ZNF385D: variants seen among roughly 807,000 people sequenced by gnomAD.
ZNF385D encodes the protein zinc finger protein 659.
Under a neutral mutation model 35.8 loss-of-function variants are expected in ZNF385D, and 15 were observed. That is an observed-to-expected ratio of 0.42 (90% CI 0.28 to 0.64). The LOEUF (loss-of-function observed/expected upper bound fraction) is 0.64, where lower values mean the gene tolerates loss of function less well. ZNF385D is among the 30% of genes least tolerant of loss of function. ZNF385D has a pLI of 0.23. For synonymous variants in ZNF385D, 212 were observed against 186.8 expected, an observed-to-expected ratio of 1.13 and a Z score of -1.10; for missense variants, 474 against 494.6, an observed-to-expected ratio of 0.96 and a Z score of 0.39.
chr3:22,151,768 T>A (rs1396514112), intron 3 of ZNF385D, among the ~76,000 whole-genome samples: 1 of 152,120 alleles, frequency 6.6e-6, no homozygotes, highest in Admixed American at 6.6e-5. Flanking sequence ...TGACCAAATA[T>A]CTGGGTGTCA....
chr3:22,114,280 C>G (rs1362774727), intron 3 of ZNF385D, among the ~76,000 whole-genome samples: 1 of 151,956 alleles, frequency 6.6e-6, no homozygotes, highest in Non-Finnish European at 1.5e-5. Context: ...ATAAATGATT[C>G]TTAATTCACA....
intron 3 of ZNF385D, among the ~76,000 whole-genome samples, chr3:22,163,753 C>T (rs1706123427): frequency 6.6e-6 from 1 of 152,058 alleles, no homozygotes; most frequent in Admixed American, 6.6e-5. Flanking sequence ...TCTTGACATA[C>T]CATATTTAAT....
At chr3:22,107,604 A>T (rs1432037690) in intron 3 of ZNF385D, among the ~76,000 whole-genome samples, 2 of 152,140 alleles carry the variant, frequency 1.3e-5, no homozygotes, top group Non-Finnish European at 2.9e-5. Flanking sequence ...TAAAGTATAG[A>T]AACAATATAT....
At chr3:22,059,044 G>A (rs537854271) in intron 3 of ZNF385D, among the ~76,000 whole-genome samples, 2 of 152,190 alleles carry the variant, frequency 1.3e-5, no homozygotes, top group African/African-American at 4.8e-5. Flanking sequence ...AAAGGACATT[G>A]GTAGGACACA....
At chr3:22,015,456 T>A (rs1342411763) in intron 3 of ZNF385D, among the ~76,000 whole-genome samples, 1 of 152,102 alleles carries the variant, frequency 6.6e-6, no homozygotes, top group African/African-American at 2.4e-5. Flanking sequence ...CTTGCCACCA[T>A]CCTTGGGCAG....
intron 2 of ZNF385D, among the ~76,000 whole-genome samples, chr3:22,366,564 A>C (rs1047873183): frequency 5.9e-5 from 9 of 152,110 alleles, no homozygotes; most frequent in African/African-American, 1.9e-4. Flanking sequence ...ACATTTTACT[A>C]ATGTTGGGTC....
chr3:21,931,435 T>C (rs1701002909), intron 3 of ZNF385D, among the ~76,000 whole-genome samples: 1 of 152,160 alleles, frequency 6.6e-6, no homozygotes, highest in South Asian at 2.1e-4. Context: ...AGCAGTTACA[T>C]TCCTAGATAT....
At chr3:21,569,342 T>A (rs1461047155) in intron 2 of ZNF385D, among the ~76,000 whole-genome samples, 1 of 149,410 alleles carries the variant, frequency 6.7e-6, no homozygotes, top group African/African-American at 2.5e-5. Context: ...CTTTTGATCT[T>A]TGTTGGTTTA....
intron 2 of ZNF385D, among the ~76,000 whole-genome samples, chr3:22,363,864 A>C (rs1280300315): frequency 6.6e-6 from 1 of 152,128 alleles, no homozygotes; most frequent in East Asian, 1.9e-4. Context: ...CAACTCAATT[A>C]ATTTTTACAA....
At chr3:21,741,708 G>T (rs1295341530) in intron 1 of ZNF385D, among the ~76,000 whole-genome samples, 1 of 152,010 alleles carries the variant, frequency 6.6e-6, no homozygotes, top group South Asian at 2.1e-4. Context: ...TGGAGGAATA[G>T]ATAAAAATCA....
chr3:21,522,918 C>T (rs1309655185), intron 3 of ZNF385D, among the ~76,000 whole-genome samples: 2 of 152,158 alleles, frequency 1.3e-5, no homozygotes, highest in Admixed American at 1.3e-4. Context: ...TAGGTGCTAA[C>T]AGCACACTAT....
At chr3:21,941,150 G>A (rs995971598) in intron 3 of ZNF385D, among the ~76,000 whole-genome samples, 1 of 152,142 alleles carries the variant, frequency 6.6e-6, no homozygotes, top group African/African-American at 2.4e-5. Context: ...TCTATTGTAT[G>A]GTGGTTAAAA....
intron 1 of ZNF385D, among the ~76,000 whole-genome samples, chr3:21,685,074 A>C (rs997343941): frequency 6.6e-6 from 1 of 152,242 alleles, no homozygotes; most frequent in African/African-American, 2.4e-5. Context: ...TATGTGATAA[A>C]GGAATATACG....
In ZNF385D at chr3:21,703,664, C is replaced by CA. The variant is rs5847128; in HGVS notation, c.23-38637dup. Among the ~76,000 whole-genome samples, 197 of 149,384 alleles carry CA rather than the reference C, an allele frequency of 1.3e-3. 1 individual carries two copies. Among genetic ancestry groups the CA allele is most frequent in the South Asian group, 9.7e-3 (46 of 4,740 alleles). Reference sequence around the variant, plus strand: ...ATAGCTCATGCTCTTTATCCTCTTACAAAAAAAAAAAAATGGCATTCTCCT... The same window carrying CA: ...ATAGCTCATGCTCTTTATCCTCTTACAAAAAAAAAAAAAATGGCATTCTCCT... On this transcript the variant is annotated intron_variant, in intron 1 of 7. Transcript: ENST00000281523.
chr3:22,337,916 T>C (rs1433497099), intron 2 of ZNF385D, among the ~76,000 whole-genome samples: 1 of 152,180 alleles, frequency 6.6e-6, no homozygotes, highest in Non-Finnish European at 1.5e-5. Flanking sequence ...GGTGGACCCT[T>C]TGACTTTTCG....
At chr3:21,505,579 C>A (rs1706713108) in intron 4 of ZNF385D, among the ~76,000 whole-genome samples, 1 of 152,078 alleles carries the variant, frequency 6.6e-6, no homozygotes, top group South Asian at 2.1e-4. Context: ...GCTCACTGAC[C>A]ACCAGACATT....
chr3:22,279,134 G>A (rs186450840), intron 2 of ZNF385D, among the ~76,000 whole-genome samples: 5 of 151,882 alleles, frequency 3.3e-5, no homozygotes, highest in Admixed American at 3.3e-4. Context: ...AATAGGTTTT[G>A]GGGGAACAGG....
intron 3 of ZNF385D, among the ~76,000 whole-genome samples, chr3:22,156,549 A>C (rs1705595319): frequency 6.6e-6 from 1 of 152,092 alleles, no homozygotes; most frequent in Non-Finnish European, 1.5e-5. Context: ...AAAATATAAC[A>C]AGAAGGAATC....
chr3:21,473,720 G>A (rs1010109543), intron 4 of ZNF385D, among the ~76,000 whole-genome samples: 1 of 151,944 alleles, frequency 6.6e-6, no homozygotes, highest in African/African-American at 2.4e-5. Context: ...CAAGCTCTTT[G>A]CATATACTTT....
Sources: gnomAD v4.1 joint callset for allele counts (sites outside exome capture counted in the v4.1 genomes callset) on GRCh38, gnomAD v4.1.1 for gene constraint, MANE v1.5 for transcripts, NCBI Gene and HGNC (gene_info 2026-07-23, HGNC 2026-07-21) for gene names.